The following RANBP2 variants were observed in gnomAD, a reference collection of about 807,000 sequenced individuals.
RANBP2 encodes the protein RAN binding protein 2.
RANBP2 carries 57 observed loss-of-function variants against 303.6 expected under a neutral mutation model. That is an observed-to-expected ratio of 0.19 (90% CI 0.15 to 0.23). The LOEUF (loss-of-function observed/expected upper bound fraction) is 0.23. Ranked by LOEUF, RANBP2 falls within the 10% of genes least tolerant of loss-of-function variation. The pLI, the probability that RANBP2 is intolerant of heterozygous loss-of-function variation, is 1.00. For missense variants in RANBP2, 3,138 were observed against 3,780.8 expected (o/e 0.83, Z 4.46); for synonymous variants, 1,167 against 1,301.5 (o/e 0.90, Z 2.23).
At chr2:108,971,647 G>A in the RANBP2 span, among the ~76,000 whole-genome samples, 1 of 152,304 alleles carries the variant, frequency 6.6e-6, no homozygotes, top group African/African-American at 2.4e-5. Context: ...CTCATTTTAT[G>A]GAAGAAGAAA....
the RANBP2 span, among the ~76,000 whole-genome samples, chr2:109,203,444 C>T: frequency 2.0e-5 from 3 of 152,194 alleles, no homozygotes; most frequent in Non-Finnish European, 2.9e-5. Flanking sequence ...CACTGTATCC[C>T]TGGCCATGAC....
At chr2:108,790,816 A>G in the RANBP2 span, among the ~76,000 whole-genome samples, 9 of 152,190 alleles carry the variant, frequency 5.9e-5, no homozygotes, top group Non-Finnish European at 1.5e-5. Context: ...CAGTAGCATA[A>G]TTGTAACTCA....
the RANBP2 span, among the ~76,000 whole-genome samples, chr2:109,591,293 CTAGTT>C: frequency 3.9e-5 from 6 of 152,232 alleles, 1 homozygote; most frequent in African/African-American, 1.4e-4. Flanking sequence ...AGGATCCCTT[CTAGTT>C]TAGTTCTACA....
the RANBP2 span, among the ~76,000 whole-genome samples, chr2:108,898,587 TAAA>T: frequency 6.6e-6 from 1 of 151,426 alleles, no homozygotes; most frequent in Admixed American, 6.6e-5. Context: ...GTCAAATGAG[TAAA>T]AAAAGAAAAT....
At chr2:109,429,303 AG>A in the RANBP2 span, among the ~76,000 whole-genome samples, 3 of 152,270 alleles carry the variant, frequency 2.0e-5, no homozygotes, top group East Asian at 5.8e-4. Flanking sequence ...GTCCCCTACG[AG>A]GCACCCAGAG....
In RANBP2 at chr2:108,740,066, A is replaced by G. The variant is rs545160657; in HGVS notation, c.783-423A>G. On this transcript the variant is annotated intron_variant, in intron 6 of 28. Transcript: ENST00000283195. ...AGAGCAATTACTGTATTGATACGCA[A>G]ATACCTGTCAGTTATTTACTTATAA... Among the ~76,000 whole-genome samples the G allele has an allele frequency of 2.0e-5, 3 of 152,366 alleles. No homozygotes were observed. In the South Asian group the frequency reaches 6.2e-4, roughly 32 times the overall value.
the RANBP2 span, among the ~76,000 whole-genome samples, chr2:108,960,764 T>C: frequency 1.3e-5 from 2 of 152,240 alleles, no homozygotes; most frequent in Non-Finnish European, 2.9e-5. Context: ...TATAGATATA[T>C]AGATATATCA....
the RANBP2 span, among the ~76,000 whole-genome samples, chr2:109,023,354 G>T: frequency 3.3e-5 from 5 of 152,130 alleles, no homozygotes; most frequent in African/African-American, 1.2e-4. Context: ...TTAAAAAATT[G>T]CTCTTTTTCT....
At chr2:109,511,989 T>A in the RANBP2 span, among the ~76,000 whole-genome samples, 1 of 152,190 alleles carries the variant, frequency 6.6e-6, no homozygotes, top group African/African-American at 2.4e-5. Context: ...CCCAGAGGAC[T>A]CTGGGACTCC....
chr2:108,917,935 G>T, the RANBP2 span, among the ~76,000 whole-genome samples: 1 of 152,044 alleles, frequency 6.6e-6, no homozygotes, highest in Non-Finnish European at 1.5e-5. Context: ...CAGAAAAATT[G>T]CCATGGAAAA....
At chr2:108,786,937 C>T (rs766529876), downstream of RANBP2, 7 of 1,476,640 alleles carry the variant, frequency 4.7e-6, no homozygotes, top group East Asian at 5.7e-5. Flanking sequence ...GCCTGAGGTC[C>T]GCGGGTGGGC....
chr2:108,823,541 A>G, the RANBP2 span, among the ~76,000 whole-genome samples: 2 of 152,206 alleles, frequency 1.3e-5, no homozygotes, highest in Non-Finnish European at 2.9e-5. Flanking sequence ...AGCCTAGGCT[A>G]TATTAGGTAG....
intron 17 of RANBP2, 56 bp downstream of exon 17, chr2:108,755,315 C>G: frequency 1.2e-6 from 2 of 1,609,516 alleles, no homozygotes; most frequent in Non-Finnish European, 1.7e-6. Flanking sequence ...CTTCCCTGGC[C>G]ACTCTCTCAC....
chr2:109,111,335 G>A, the RANBP2 span, among the ~76,000 whole-genome samples: 4 of 152,090 alleles, frequency 2.6e-5, no homozygotes, highest in Non-Finnish European at 5.9e-5. Flanking sequence ...TGGGAATACT[G>A]AAGGACTGGG....
At chr2:109,444,585 T>C in the RANBP2 span, among the ~76,000 whole-genome samples, 1 of 152,172 alleles carries the variant, frequency 6.6e-6, no homozygotes. Context: ...CCAACCCTGG[T>C]CATGGTGCTG....
At chr2:109,609,406 T>C in the RANBP2 span, among the ~76,000 whole-genome samples, 1 of 152,086 alleles carries the variant, frequency 6.6e-6, no homozygotes, top group African/African-American at 2.4e-5. Flanking sequence ...CAGAGTTTAC[T>C]TGATGCAAAA....
At chr2:108,990,457 A>AAAT in the RANBP2 span, among the ~76,000 whole-genome samples, 13 of 150,638 alleles carry the variant, frequency 8.6e-5, no homozygotes, top group Non-Finnish European at 1.3e-4. Context: ...AAAAAAAAAA[A>AAAT]ATATACAAAA....
the RANBP2 span, among the ~76,000 whole-genome samples, chr2:109,324,950 G>C: frequency 6.6e-6 from 1 of 152,200 alleles, no homozygotes; most frequent in African/African-American, 2.4e-5. Context: ...GTAATGACTA[G>C]TATAGACAAA....
At chr2:109,596,043 T>C in the RANBP2 span, among the ~76,000 whole-genome samples, 3 of 152,200 alleles carry the variant, frequency 2.0e-5, no homozygotes, top group Non-Finnish European at 4.4e-5. Flanking sequence ...ATATTTATTT[T>C]ATTTTAGAGA....
Sources: allele counts gnomAD v4.1 joint callset (sites outside exome capture counted in the v4.1 genomes callset), GRCh38; gene constraint gnomAD v4.1.1; transcripts MANE v1.5; gene names NCBI Gene and HGNC (gene_info 2026-07-23, HGNC 2026-07-21).